The following SNRNP48 variants were observed in gnomAD, a reference collection of about 807,000 sequenced individuals.
SNRNP48 encodes small nuclear ribonucleoprotein U11/U12 subunit 48.
In SNRNP48, 43 loss-of-function variants were observed where a neutral mutation model predicts 47.0. The ratio of observed to expected loss-of-function variants is 0.92; its 90% CI spans 0.72 to 1.18. The LOEUF (loss-of-function observed/expected upper bound fraction) is 1.18, where lower values mean the gene tolerates loss of function less well. Ranked by LOEUF, SNRNP48 falls within the 50% of genes most tolerant of loss-of-function variation. The probability of loss-of-function intolerance (pLI) is 0.00; values close to 1 mark genes in which losing one functional copy is unlikely to be tolerated. For synonymous variants in SNRNP48, 138 were observed against 144.0 expected (o/e 0.96, Z 0.30); for missense variants, 396 against 422.2 (o/e 0.94, Z 0.54).
chr6:7,606,853 C>T (rs1760138349), intron 8 of SNRNP48, among the ~76,000 whole-genome samples: 1 of 152,192 alleles, frequency 6.6e-6, no homozygotes, highest in Admixed American at 6.5e-5. Context: ...CATCTATTAA[C>T]CTAAGCCAGA....
chr6:7,608,862 CA>C lies in SNRNP48; in HGVS notation c.1015del (p.Ile339TyrfsTer3). On this transcript the variant is annotated frameshift_variant, in exon 9 of 9. Coordinates refer to ENST00000342415, the MANE Select transcript of SNRNP48 (RefSeq NM_152551.4). LOFTEE classifies it high-confidence loss of function. ...ERHHSHKRRK[Q>X]KI ...ACACCATAGTCATAAAAGAAGAAAG[CA>C]AAAAATATAAATGAAGTACTTGTAC... 2.6e-6 allele frequency: 4 copies of C among 1,509,448 alleles called. No individual in the cohort carries two copies. The highest frequency in any genetic ancestry group is 1.2e-5 in the South Asian group (1 of 81,748). 93.5% of individuals were successfully genotyped at this position (1,509,448 alleles called of 1,614,324 possible).
rs762330050 is a variant in SNRNP48, at chr6:7,608,900, A to G, written c.*27A>G. ...TGAAGTACTTGTACCTATATTAATT[A>G]TGCTTACGCCATGATAACCAATATA... is the stretch of plus-strand genomic sequence containing the variant. On this transcript the variant is annotated 3_prime_UTR_variant, in exon 9 of 9. Transcript: ENST00000342415. The G allele has an allele frequency of 2.5e-5, 33 of 1,307,038 alleles. No individual in the cohort carries two copies. The African/African-American group carries it at 3.1e-4, about 12-fold the overall frequency. The allele number at this position is 1,307,038 out of a possible 1,614,324, so 81.0% of individuals were successfully genotyped here.
intron 1 of SNRNP48, among the ~76,000 whole-genome samples, chr6:7,592,298 A>C (rs1759832435): frequency 6.6e-6 from 1 of 151,854 alleles, no homozygotes; most frequent in African/African-American, 2.4e-5. Flanking sequence ...TAGAGTGTAG[A>C]GTTAGAGTAG....
At chr6:7,597,865 CTTTTT>C (rs148304945) in intron 4 of SNRNP48, among the ~76,000 whole-genome samples, 3 of 123,404 alleles carry the variant, frequency 2.4e-5, no homozygotes, top group Non-Finnish European at 1.7e-5. Context: ...TAACCGTAAC[CTTTTT>C]TTTTTTTTTT....
intron 1 of SNRNP48, among the ~76,000 whole-genome samples, chr6:7,591,167 G>C (rs533538486): frequency 6.6e-6 from 1 of 152,202 alleles, no homozygotes; most frequent in Non-Finnish European, 1.5e-5. Context: ...GAGTTTGCCA[G>C]TTCGCCTTTC....
At chr6:7,603,979 A>AACCCTT (rs1337917411) in intron 6 of SNRNP48, among the ~76,000 whole-genome samples, 7 of 152,258 alleles carry the variant, frequency 4.6e-5, no homozygotes, top group Admixed American at 1.3e-4. Context: ...TCGTCTAAGG[A>AACCCTT]ATGTACCCAT....
At position 7,609,916 on chromosome 6, in the gene SNRNP48, A is replaced by G. The variant is rs1400463494; in HGVS notation, c.*1043A>G. 46 of 151,960 alleles carry G rather than the reference A, an allele frequency of 3.0e-4. No homozygotes were observed. Among genetic ancestry groups the G allele is most frequent in the Admixed American group, 3.0e-3 (46 of 15,244 alleles). The allele number at this position is 151,960 out of a possible 1,614,324, so 9.4% of individuals were successfully genotyped here. The stretch of plus-strand genomic sequence containing the variant: ...ATTCTCATACCCCCTTTCCCAATCA[A>G]TTCCTCTACCCCTAGCCCTAGGCAG... On this transcript the variant is annotated 3_prime_UTR_variant, in exon 9 of 9. Transcript: ENST00000342415.
At chr6:7,600,194 G>A (rs2757596) in intron 4 of SNRNP48, 338,553 of 986,598 alleles carry the variant, frequency 0.34, 59,862 homozygotes, top group Middle Eastern at 0.4. Flanking sequence ...ATGTATAGCC[G>A]TGTTAAACCA....
intron 5 of SNRNP48, among the ~76,000 whole-genome samples, chr6:7,601,858 T>G (rs1323754798): frequency 6.6e-6 from 1 of 152,156 alleles, no homozygotes; most frequent in Admixed American, 6.5e-5. Flanking sequence ...GTGTTTTTTT[T>G]GTTTTGTTTT....
chr6:7,603,569 C>T (rs918426300), intron 6 of SNRNP48, among the ~76,000 whole-genome samples: 4 of 152,176 alleles, frequency 2.6e-5, no homozygotes, highest in African/African-American at 9.7e-5. Context: ...CCTCCATGCC[C>T]TATTACCTGT....
Position 7,595,044 on chromosome 6 carries a change from C to T in SNRNP48, c.349C>T (p.Gln117Ter). 6.3e-7 allele frequency: 1 copy of T among 1,595,658 alleles called. No homozygotes were observed. The highest frequency in any genetic ancestry group is 8.5e-7 in the Non-Finnish European group (1 of 1,173,990). The change falls in exon 4 of 9, where the codon CAG (glutamine) becomes TAG (stop). Residue 117 changes from glutamine to a stop codon, truncating the protein, a stop_gained. Transcript: ENST00000342415. LOFTEE classifies it high-confidence loss of function. Reference sequence around the variant, plus strand: ...TTTGACAGATAAGGACTCACAATTCCAGATAATTAAACAAGCTAGAACTGC... The same window carrying T: ...TTTGACAGATAAGGACTCACAATTCTAGATAATTAAACAAGCTAGAACTGC... ...SITLNKDSQF[Q>*]IIKQARTAVG...
intron 8 of SNRNP48, among the ~76,000 whole-genome samples, chr6:7,608,138 C>T (rs1267584722): frequency 6.6e-6 from 1 of 151,988 alleles, no homozygotes; most frequent in African/African-American, 2.4e-5. Flanking sequence ...CTTTGATATC[C>T]AACCCTGGGG....
In SNRNP48 at chr6:7,608,793, A is replaced by G. The variant is rs781060544; in HGVS notation, c.972-32A>G. 1.5e-5 allele frequency: 20 copies of G among 1,370,776 alleles called. No homozygotes were observed. The Admixed American group carries it at 4.6e-4, about 32-fold the overall frequency. 84.9% of individuals were successfully genotyped at this position (1,370,776 alleles called of 1,614,324 possible). A position where few individuals can be genotyped will look rare whatever the true frequency, so the allele number is the denominator to read the frequency against. ...TCTGATATTAAAATGTCCATCATTTATAACCATTTTTTTATACCTCTTTTA... is the reference window on the plus strand; with the variant it reads ...TCTGATATTAAAATGTCCATCATTTGTAACCATTTTTTTATACCTCTTTTA... On this transcript the variant is annotated intron_variant, in intron 8 of 8. Coordinates refer to ENST00000342415, the MANE Select transcript of SNRNP48 (RefSeq NM_152551.4).
chr6:7,605,508 T>A, intron 7 of SNRNP48, 22 bp downstream of exon 7: 1 of 1,590,122 alleles, frequency 6.3e-7, no homozygotes, highest in Non-Finnish European at 8.6e-7. Flanking sequence ...TCTTTATTGG[T>A]GAAAATACTC....
chr6:7,594,961 G>A, intron 3 of SNRNP48, 66 bp from the exon 4 acceptor site: 1 of 1,381,850 alleles, frequency 7.2e-7, no homozygotes, highest in Non-Finnish European at 1.0e-6. Flanking sequence ...TCAGAAACCA[G>A]TTAATAATTT....
chr6:7,611,060 C>G lies in SNRNP48; in HGVS notation c.*2187C>G, dbSNP rs1760225096. On this transcript the variant is annotated 3_prime_UTR_variant, in exon 9 of 9. Coordinates refer to ENST00000342415, the MANE Select transcript of SNRNP48 (RefSeq NM_152551.4). ...GCCCATCCATTAAGGTACCTTCTCA[C>G]AAACATTTCTAATCTACTGGCTGGA... 6.6e-6 allele frequency: 1 copy of G among 152,266 alleles called. No individual in the cohort carries two copies. 9.4% of individuals were successfully genotyped at this position (152,266 alleles called of 1,614,324 possible). A position where few individuals can be genotyped will look rare whatever the true frequency, so the allele number is the denominator to read the frequency against.
At chr6:7,597,014 T>C (rs1223403226) in intron 4 of SNRNP48, among the ~76,000 whole-genome samples, 1 of 152,218 alleles carries the variant, frequency 6.6e-6, no homozygotes, top group Non-Finnish European at 1.5e-5. Flanking sequence ...AGTTCTAGTG[T>C]GTTTGTTCTA....
Position 7,590,351 on chromosome 6 carries a change from G to T in SNRNP48, c.94G>T (p.Val32Leu). ...GAGCGGCTGCCGGACGTTGGAGGAG[G>T]TGACCGCGTCCCTGGGCTGGGACCT... ...VESGCRTLEE[V>L]TASLGWDLDS... Residue 32 changes from valine (V) to leucine (L), a missense_variant, in exon 1 of 9, where the codon GTG becomes TTG. Transcript: ENST00000342415. 1 of 1,393,638 alleles carries T rather than the reference G, an allele frequency of 7.2e-7. No homozygotes were observed. Among genetic ancestry groups the T allele is most frequent in the Non-Finnish European group, 9.4e-7 (1 of 1,060,952 alleles). The allele number at this position is 1,393,638 out of a possible 1,614,324, so 86.3% of individuals were successfully genotyped here.
At chr6:7,608,294 T>C (rs1163053853) in intron 8 of SNRNP48, among the ~76,000 whole-genome samples, 2 of 152,134 alleles carry the variant, frequency 1.3e-5, no homozygotes, top group African/African-American at 4.8e-5. Flanking sequence ...TGGTGGCTCA[T>C]GCCTGTAATC....
Sources: allele counts gnomAD v4.1 joint callset (sites outside exome capture counted in the v4.1 genomes callset), GRCh38; gene constraint gnomAD v4.1.1; transcripts MANE v1.5; gene names NCBI Gene and HGNC (gene_info 2026-07-23, HGNC 2026-07-21).